HEATR3: variants seen among roughly 807,000 people sequenced by gnomAD.
HEATR3 encodes HEAT repeat-containing protein 3.
In HEATR3, 56 loss-of-function variants were observed where a neutral mutation model predicts 72.8. That is an observed-to-expected ratio of 0.77 (90% CI 0.62 to 0.96). The LOEUF is 0.96. Ranked by LOEUF, HEATR3 falls within the 40% of genes least tolerant of loss-of-function variation. HEATR3 has a pLI of 0.00. For synonymous variants in HEATR3, 331 were observed against 318.1 expected (o/e 1.04, Z -0.43); for missense variants, 747 against 831.4 (o/e 0.90, Z 1.25).
In HEATR3 at chr16:50,068,874, A is replaced by G. The variant is rs200316648; in HGVS notation, c.399+7A>G. ...GGTTGCGCTGCTAAAAGAGGTATGC[A>G]GTTTTTACAGTATCTTGATGGTAGC... On this transcript the variant is annotated splice_region_variant and intron_variant, in intron 3 of 14. Coordinates refer to ENST00000299192, the MANE Select transcript of HEATR3 (RefSeq NM_182922.4). The G allele has an allele frequency of 5.6e-6, 9 of 1,602,640 alleles. No individual in the cohort carries two copies. The East Asian group carries it at 8.9e-5, about 16-fold the overall frequency.
chr16:50,099,733 C>T (rs567373086), intron 12 of HEATR3, among the ~76,000 whole-genome samples: 16 of 152,266 alleles, frequency 1.1e-4, no homozygotes, highest in South Asian at 8.3e-4. Flanking sequence ...CGTGAGCCAC[C>T]GCGCCCAGCC....
chr16:50,102,491 G>C (rs778046430), intron 14 of HEATR3, 56 bp downstream of exon 14: 34 of 1,519,740 alleles, frequency 2.2e-5, no homozygotes, highest in Non-Finnish European at 3.0e-5. Context: ...TGGGGACAAG[G>C]GTGTGTGTAG....
chr16:50,085,530 A>G (rs1308601066), intron 10 of HEATR3, among the ~76,000 whole-genome samples: 1 of 152,094 alleles, frequency 6.6e-6, no homozygotes, highest in African/African-American at 2.4e-5. Context: ...GCTACTTAGG[A>G]GGCTGAAGTG....
intron 2 of HEATR3, 80 bp downstream of exon 2, chr16:50,066,619 C>T (rs528953380): frequency 3.4e-4 from 415 of 1,205,440 alleles, no homozygotes; most frequent in Non-Finnish European, 4.2e-4. Flanking sequence ...AGCGGTCACC[C>T]AGCGCCTTCT....
chr16:50,091,250 T>G (rs529573171), intron 11 of HEATR3, among the ~76,000 whole-genome samples: 1 of 152,122 alleles, frequency 6.6e-6, no homozygotes, highest in Non-Finnish European at 1.5e-5. Flanking sequence ...GCAGATCACC[T>G]GAGGTCAGGA....
intron 4 of HEATR3, among the ~76,000 whole-genome samples, chr16:50,070,492 G>A (rs2036588139): frequency 6.6e-6 from 1 of 152,144 alleles, no homozygotes; most frequent in African/African-American, 2.4e-5. Context: ...TTGAGGTCGG[G>A]AGTTTGAGAC....
chr16:50,078,504 G>A (rs1567431329), intron 6 of HEATR3, among the ~76,000 whole-genome samples: 1 of 152,202 alleles, frequency 6.6e-6, no homozygotes, highest in East Asian at 1.9e-4. Context: ...TGCTGATAAT[G>A]CAGTGTATCA....
In HEATR3 at chr16:50,075,720, T is replaced by A. The variant is rs2036712562; in HGVS notation, c.763+9T>A. Reference sequence around the variant, plus strand: ...GAAGACATTGGTAGCAGGTAAAATTTAGCCTTACGGCATAGTATATTGTTT... The same window carrying A: ...GAAGACATTGGTAGCAGGTAAAATTAAGCCTTACGGCATAGTATATTGTTT... On this transcript the variant is annotated intron_variant, in intron 6 of 14. Transcript: ENST00000299192. 1 of 1,610,442 alleles carries A rather than the reference T, an allele frequency of 6.2e-7. No homozygotes were observed. Among genetic ancestry groups the A allele is most frequent in the African/African-American group, 1.3e-5 (1 of 74,914 alleles).
chr16:50,086,017 G>A (rs565447857), intron 10 of HEATR3, among the ~76,000 whole-genome samples, 198 bp from the exon 11 acceptor site: 21 of 152,084 alleles, frequency 1.4e-4, no homozygotes, highest in Non-Finnish European at 2.9e-4. Context: ...AACAGAGTAA[G>A]ACCCTGTCTA....
chr16:50,082,261 T>G (rs2036883364), intron 7 of HEATR3, among the ~76,000 whole-genome samples: 1 of 152,048 alleles, frequency 6.6e-6, no homozygotes, highest in African/African-American at 2.4e-5. Context: ...GAGAATCGCT[T>G]GAACCCAGGA....
intron 7 of HEATR3, among the ~76,000 whole-genome samples, chr16:50,083,210 T>C (rs1325885156): frequency 6.6e-6 from 1 of 151,678 alleles, no homozygotes; most frequent in Non-Finnish European, 1.5e-5. Flanking sequence ...TATTTTTAGC[T>C]CATGTACTGT....
At chr16:50,083,791 C>A (rs774632892) in intron 7 of HEATR3, 146 bp from the exon 8 acceptor site, 202 of 645,504 alleles carry the variant, frequency 3.1e-4, no homozygotes, top group Non-Finnish European at 4.9e-4. Flanking sequence ...TCTGGCACTT[C>A]ATGACTTTTC....
Position 50,072,673 on chromosome 16 carries a change from T to C in HEATR3, c.581T>C (p.Leu194Ser), listed in dbSNP as rs567482058. The C allele has an allele frequency of 2.5e-6, 4 of 1,608,234 alleles. No homozygotes were observed. In the African/African-American group the frequency reaches 5.3e-5, roughly 21 times the overall value. The change falls in exon 5 of 15, where the codon TTA (leucine) becomes TCA (serine). Residue 194 changes from leucine to serine, a missense_variant. Physicochemically the swap from Leu to Ser is moderately radical, Grantham distance 145 (BLOSUM62 -2). This residue lies in a region of HEATR3 where 586 missense variants were observed against 708.8 expected (regional missense o/e 0.83). Transcript: ENST00000299192. ...TGTTTGGAGATTGTGTTAAAGTATTTAAGTAGGTTTCCTACCAATGTTGAC... is the reference window on the plus strand; with the variant it reads ...TGTTTGGAGATTGTGTTAAAGTATTCAAGTAGGTTTCCTACCAATGTTGAC... ...EGCLEIVLKYLSRFPTNVDLA... is the reference protein window; with the variant it reads ...EGCLEIVLKYSSRFPTNVDLA...
intron 12 of HEATR3, among the ~76,000 whole-genome samples, chr16:50,099,236 A>G (rs915432539): frequency 2.0e-5 from 3 of 152,128 alleles, no homozygotes; most frequent in African/African-American, 7.2e-5. Context: ...AATATCAAGT[A>G]TTTTTATTGA....
intron 7 of HEATR3, among the ~76,000 whole-genome samples, chr16:50,081,488 A>G (rs1041757654): frequency 6.6e-6 from 1 of 152,058 alleles, no homozygotes; most frequent in Non-Finnish European, 1.5e-5. Flanking sequence ...GTCTTCCTTA[A>G]GATTGTAGTG....
chr16:50,096,968 A>C (rs930180551), intron 12 of HEATR3, among the ~76,000 whole-genome samples: 4 of 151,850 alleles, frequency 2.6e-5, no homozygotes, highest in Admixed American at 6.6e-5. Context: ...GATTTGGCCA[A>C]CTCATCATGA....
At chr16:50,069,989 ACTGT>A (rs1555500761) in intron 3 of HEATR3, among the ~76,000 whole-genome samples, 185 bp from the exon 4 acceptor site, 1 of 152,184 alleles carries the variant, frequency 6.6e-6, no homozygotes, top group Non-Finnish European at 1.5e-5. Context: ...TTGCCTTCCT[ACTGT>A]CTTTTATTAC....
chr16:50,065,988 CTGCGCACGGCTTG>C lies in HEATR3; in HGVS notation c.-143_-131del. 1 of 635,568 alleles carries C rather than the reference CTGCGCACGGCTTG, an allele frequency of 1.6e-6. No homozygotes were observed. The highest frequency in any genetic ancestry group is 2.9e-5 in the South Asian group (1 of 35,022). 39.4% of individuals were successfully genotyped at this position (635,568 alleles called of 1,614,324 possible). A position where few individuals can be genotyped will look rare whatever the true frequency, so the allele number is the denominator to read the frequency against. ...ACCCGGCAGACGACGCGCCGTGCGC[CTGCGCACGGCTTG>C]CCCATGTGTGCTGCAGCCGTCAGCC... On this transcript the variant is annotated 5_prime_UTR_variant, in exon 1 of 15. Transcript: ENST00000299192.
At chr16:50,096,777 C>A (rs28403394) in intron 12 of HEATR3, among the ~76,000 whole-genome samples, 1 of 152,070 alleles carries the variant, frequency 6.6e-6, no homozygotes, top group South Asian at 2.1e-4. Context: ...CCAGCCTGGG[C>A]GACAGAGGGA....
Sources: allele counts gnomAD v4.1 joint callset (sites outside exome capture counted in the v4.1 genomes callset), GRCh38; gene constraint gnomAD v4.1.1; regional missense constraint gnomAD v4.1.1; transcripts MANE v1.5; gene names NCBI Gene and HGNC (gene_info 2026-07-23, HGNC 2026-07-21).